RSPO2: variants seen among roughly 807,000 people sequenced by gnomAD.
RSPO2 encodes the protein R-spondin 2.
In RSPO2, 14 loss-of-function variants were observed where a neutral mutation model predicts 30.9. That is an observed-to-expected ratio of 0.45 (90% CI 0.30 to 0.71). RSPO2 has a LOEUF of 0.71. Ranked by LOEUF, RSPO2 falls within the 30% of genes least tolerant of loss-of-function variation. RSPO2 has a pLI of 0.08. For missense variants in RSPO2, 264 were observed against 301.9 expected (o/e 0.87, Z 0.93); for synonymous variants, 107 against 96.4 (o/e 1.11, Z -0.64).
At chr8:107,965,280 C>T (rs895544185) in intron 3 of RSPO2, among the ~76,000 whole-genome samples, 1 of 152,226 alleles carries the variant, frequency 6.6e-6, no homozygotes, top group East Asian at 1.9e-4. Flanking sequence ...AGTGAAACTG[C>T]ATCCAAATAC....
At chr8:108,033,787 G>A (rs960506018) in intron 2 of RSPO2, among the ~76,000 whole-genome samples, 11 of 152,158 alleles carry the variant, frequency 7.2e-5, no homozygotes, top group African/African-American at 2.7e-4. Context: ...CATGCTTGGT[G>A]CTGGTGGCCA....
intron 2 of RSPO2, among the ~76,000 whole-genome samples, chr8:107,996,593 C>T (rs1263550674): frequency 6.6e-6 from 1 of 152,160 alleles, no homozygotes; most frequent in African/African-American, 2.4e-5. Flanking sequence ...GGTTCACTGT[C>T]CTACAGTCAT....
At position 108,082,542 on chromosome 8, in the gene RSPO2, C is replaced by G. The variant is rs754563684; in HGVS notation, c.94+3G>C. 1.2e-6 allele frequency: 2 copies of G among 1,612,734 alleles called. No individual in the cohort carries two copies. The highest frequency in any genetic ancestry group is 2.2e-5 in the South Asian group (2 of 91,044). Reference sequence around the variant, plus strand: ...CACGCACCTTTGGCAGAGAGGGACCCACCTCGCTTACTGCGTCTCCATCGG... The same window carrying G: ...CACGCACCTTTGGCAGAGAGGGACCGACCTCGCTTACTGCGTCTCCATCGG... On this transcript the variant is annotated splice_donor_region_variant and intron_variant, in intron 2 of 5. Coordinates refer to ENST00000276659, the MANE Select transcript of RSPO2 (RefSeq NM_178565.5).
At chr8:107,948,496 T>C (rs1452867830) in intron 5 of RSPO2, among the ~76,000 whole-genome samples, 2 of 152,164 alleles carry the variant, frequency 1.3e-5, no homozygotes, top group Non-Finnish European at 2.9e-5. Flanking sequence ...AGGCCAGCCT[T>C]GGAGAGGAAA....
chr8:107,960,924 A>C, intron 3 of RSPO2, 107 bp from the exon 4 acceptor site: 74 of 767,812 alleles, frequency 9.6e-5, no homozygotes, highest in Non-Finnish European at 1.4e-4. Flanking sequence ...TGAAATTCTC[A>C]TCATCAGAGA....
At chr8:108,061,781 G>T (rs1157184067) in intron 2 of RSPO2, among the ~76,000 whole-genome samples, 1 of 151,758 alleles carries the variant, frequency 6.6e-6, no homozygotes, top group African/African-American at 2.4e-5. Context: ...CCACATAGTT[G>T]CAGGTAAAGC....
chr8:107,917,743 G>A (rs1812024323), intron 5 of RSPO2, among the ~76,000 whole-genome samples: 1 of 152,080 alleles, frequency 6.6e-6, no homozygotes, highest in Non-Finnish European at 1.5e-5. Context: ...TACGTTACTG[G>A]TGTATGTTCC....
At chr8:108,067,426 T>C (rs1040252625) in intron 2 of RSPO2, among the ~76,000 whole-genome samples, 2 of 152,204 alleles carry the variant, frequency 1.3e-5, no homozygotes, top group Non-Finnish European at 2.9e-5. Context: ...TGCGATTTTC[T>C]TTACAACATT....
At chr8:108,032,129 A>G (rs1811441217) in intron 2 of RSPO2, among the ~76,000 whole-genome samples, 1 of 152,212 alleles carries the variant, frequency 6.6e-6, no homozygotes, top group African/African-American at 2.4e-5. Flanking sequence ...CATCTTGCAC[A>G]CTTGTTCTAC....
At chr8:108,082,943 AG>A (rs1323942104) in intron 1 of RSPO2, 136 bp from the exon 2 acceptor site, 1 of 356,714 alleles carries the variant, frequency 2.8e-6, no homozygotes, top group Non-Finnish European at 5.0e-6. Context: ...CGAGCCGCGG[AG>A]CGGCTTAATC....
At chr8:108,037,270 G>A (rs557139427) in intron 2 of RSPO2, among the ~76,000 whole-genome samples, 43 of 152,292 alleles carry the variant, frequency 2.8e-4, no homozygotes, top group African/African-American at 9.1e-4. Flanking sequence ...CCATATTACC[G>A]ATGTGGAGAA....
intron 3 of RSPO2, among the ~76,000 whole-genome samples, chr8:107,976,629 C>A (rs987904987): frequency 6.6e-6 from 1 of 152,138 alleles, no homozygotes; most frequent in South Asian, 2.1e-4. Flanking sequence ...AATTTTTAGA[C>A]ATGAGGACAC....
At chr8:107,946,366 T>C (rs1171823382) in intron 5 of RSPO2, among the ~76,000 whole-genome samples, 1 of 152,198 alleles carries the variant, frequency 6.6e-6, no homozygotes, top group Admixed American at 6.5e-5. Context: ...CCTGAGTAAC[T>C]AGAAGACTAG....
At chr8:107,997,716 T>C (rs1303144920) in intron 2 of RSPO2, among the ~76,000 whole-genome samples, 2 of 152,212 alleles carry the variant, frequency 1.3e-5, no homozygotes, top group East Asian at 3.8e-4. Flanking sequence ...TATTACTCTT[T>C]ATTATTAATT....
At chr8:108,013,010 G>A (rs533462206) in intron 2 of RSPO2, among the ~76,000 whole-genome samples, 2 of 152,214 alleles carry the variant, frequency 1.3e-5, no homozygotes, top group Admixed American at 6.5e-5. Flanking sequence ...TGACACCAAG[G>A]GATATGCTGT....
At chr8:108,020,274 A>G (rs879399969) in intron 2 of RSPO2, among the ~76,000 whole-genome samples, 1 of 152,090 alleles carries the variant, frequency 6.6e-6, no homozygotes, top group African/African-American at 2.4e-5. Context: ...CATTTTTATC[A>G]ACACATTTCT....
chr8:107,914,440 A>G (rs1312446168), intron 5 of RSPO2, among the ~76,000 whole-genome samples: 4 of 151,810 alleles, frequency 2.6e-5, no homozygotes, highest in Admixed American at 2.6e-4. Flanking sequence ...ATTTAAAAAG[A>G]TGTCAATGCT....
intron 2 of RSPO2, among the ~76,000 whole-genome samples, chr8:108,058,163 G>T (rs901719119): frequency 6.6e-6 from 1 of 152,018 alleles, no homozygotes; most frequent in Non-Finnish European, 1.5e-5. Flanking sequence ...CTAATATATT[G>T]AGAGCTTTTA....
intron 5 of RSPO2, among the ~76,000 whole-genome samples, chr8:107,957,503 A>G (rs1813468144): frequency 6.6e-6 from 1 of 152,224 alleles, no homozygotes; most frequent in African/African-American, 2.4e-5. Context: ...CACAATTACT[A>G]CAAAGATTTG....
Sources: allele counts gnomAD v4.1 joint callset (sites outside exome capture counted in the v4.1 genomes callset), GRCh38; gene constraint gnomAD v4.1.1; transcripts MANE v1.5; gene names NCBI Gene and HGNC (gene_info 2026-07-23, HGNC 2026-07-21).